Variants in ITPA observed in about 807,000 individuals in gnomAD.
ITPA encodes the protein inosine triphosphatase, also known as inosine triphosphate pyrophosphatase.
ITPA carries 29 observed loss-of-function variants against 29.6 expected under a neutral mutation model. The observed-to-expected ratio is 0.98, with a 90% CI of 0.73 to 1.34. ITPA has a LOEUF of 1.34. Ranked by LOEUF, ITPA falls within the 40% of genes most tolerant of loss-of-function variation. ITPA has a pLI of 0.00. For synonymous variants in ITPA, 103 were observed against 99.3 expected, an observed-to-expected ratio of 1.04 and a Z score of -0.22; for missense variants, 241 against 251.5, an observed-to-expected ratio of 0.96 and a Z score of 0.28.
upstream of ITPA, among the ~76,000 whole-genome samples, chr20:3,205,145 C>T (rs1332526674): frequency 1.3e-5 from 2 of 152,062 alleles, no homozygotes; most frequent in Non-Finnish European, 2.9e-5. Context: ...CCACCGCGCC[C>T]GGACTATATA....
intron 3 of ITPA, 86 bp downstream of exon 3, chr20:3,213,469 C>A: frequency 6.5e-7 from 1 of 1,532,014 alleles, no homozygotes; most frequent in Non-Finnish European, 9.0e-7. Context: ...ATAGAGTAGA[C>A]ACAGTTTGTT....
chr20:3,223,086 C>G (rs1294064498), intron 7 of ITPA, among the ~76,000 whole-genome samples: 2 of 152,248 alleles, frequency 1.3e-5, no homozygotes, highest in East Asian at 3.8e-4. Flanking sequence ...ACATGCAGCT[C>G]ATCCCCCCCT....
rs746302972 is a variant in ITPA at position 3,213,188 on chromosome 20, A to G, written c.86A>G (p.Asp29Gly). 6.2e-7 allele frequency: 1 copy of G among 1,614,090 alleles called. No individual in the cohort carries two copies. The highest frequency in any genetic ancestry group is 1.1e-5 in the South Asian group (1 of 91,080). ...KLEEVVQILGDKFPCTLVAQK... is the reference protein window; with the variant it reads ...KLEEVVQILGGKFPCTLVAQK... The stretch of plus-strand genomic sequence containing the variant: ...GAACAGGTCGTTCAGATTCTAGGAG[A>G]TAAGTTTCCATGCACTTTGGTGGCA... The change falls in exon 2 of 8, where the codon GAT becomes GGT. Residue 29 changes from aspartate (D) to glycine (G), a missense_variant. Transcript: ENST00000380113.
At chr20:3,220,043 CA>C (rs745545920) in intron 6 of ITPA, among the ~76,000 whole-genome samples, 5,853 of 58,138 alleles carry the variant, frequency 0.1, 286 homozygotes, top group African/African-American at 0.29. Context: ...GACCCAGTCT[CA>C]AAAAAAAAAA....
At chr20:3,224,515 C>T (rs73891130), downstream of ITPA, among the ~76,000 whole-genome samples, 7,882 of 152,322 alleles carry the variant, frequency 0.052, 514 homozygotes, top group African/African-American at 0.15. Context: ...TCCAGCAGGA[C>T]GGCCCTGGGT....
chr20:3,226,216 G>A (rs530338674), downstream of ITPA, among the ~76,000 whole-genome samples: 20 of 152,264 alleles, frequency 1.3e-4, no homozygotes, highest in African/African-American at 3.9e-4. This position sits in a 1 kb window ranked among gnomAD's most constrained non-coding sequence, Gnocchi z 4.4. Flanking sequence ...CCCTCAACTT[G>A]GGGTTTCTGA....
At chr20:3,223,202 C>T (rs944210770) in intron 7 of ITPA, among the ~76,000 whole-genome samples, 164 bp from the exon 8 acceptor site, 1 of 152,190 alleles carries the variant, frequency 6.6e-6, no homozygotes, top group Admixed American at 6.5e-5. Flanking sequence ...AAAACTTTAT[C>T]CGATTTTTAA....
upstream of ITPA, among the ~76,000 whole-genome samples, chr20:3,206,828 C>CA (rs1338065685): frequency 9.8e-3 from 818 of 83,688 alleles, 2 homozygotes; most frequent in African/African-American, 0.02. Flanking sequence ...GAGACTGTCT[C>CA]AAAAAAAAAA....
At chr20:3,219,745 C>CA (rs1491514097) in intron 6 of ITPA, among the ~76,000 whole-genome samples, 1,364 of 96,904 alleles carry the variant, frequency 0.014, 9 homozygotes, top group Middle Eastern at 0.045. Flanking sequence ...GACTCCGTCT[C>CA]CAAAAAAAAA....
At position 3,209,573 on chromosome 20, in the gene ITPA, A is replaced by G. The variant is rs1600488513; in HGVS notation, c.22A>G (p.Lys8Glu). Residue 8 changes from lysine to glutamate, a missense_variant, in exon 1 of 8, where the codon AAG becomes GAG. Lys to Glu is a moderately conservative substitution (Grantham distance 56). Coordinates refer to ENST00000380113, the MANE Select transcript of ITPA (RefSeq NM_033453.4). The surrounding 1 kb of genome is among the most constrained non-coding windows in gnomAD (Gnocchi z 4.6). MAASLVGKKIVFVTGNAK... is the reference protein window; with the variant it reads MAASLVGEKIVFVTGNAK... ...CACCATGGCGGCCTCATTGGTGGGGAAGAAGATCGTGTTTGTAACGGGGAA... is the reference window on the plus strand; with the variant it reads ...CACCATGGCGGCCTCATTGGTGGGGGAGAAGATCGTGTTTGTAACGGGGAA... 6.2e-7 allele frequency: 1 copy of G among 1,613,972 alleles called. No homozygotes were observed. Among genetic ancestry groups the G allele is most frequent in the Non-Finnish European group, 8.5e-7 (1 of 1,180,002 alleles).
intron 6 of ITPA, chr20:3,219,195 T>C (rs1036189492): frequency 8.7e-6 from 1 of 115,070 alleles, no homozygotes; most frequent in African/African-American, 3.6e-5. Flanking sequence ...GAATCTTAAT[T>C]CTTTTTTTTT....
chr20:3,209,380 T>G (rs2122270799), upstream of ITPA: 1 of 710,704 alleles, frequency 1.4e-6, no homozygotes, highest in East Asian at 2.7e-5. This position sits in a 1 kb window ranked among gnomAD's most constrained non-coding sequence, Gnocchi z 4.6. Context: ...CGCTGTGGGC[T>G]AGGCCGCCAC....
At chr20:3,219,357 C>G (rs1254522563) in intron 6 of ITPA, among the ~76,000 whole-genome samples, 3 of 151,774 alleles carry the variant, frequency 2.0e-5, no homozygotes, top group African/African-American at 4.8e-5. Flanking sequence ...ACCTGTAATC[C>G]TAGCACTTTG....
At chr20:3,225,422 G>A (rs6051655), downstream of ITPA, among the ~76,000 whole-genome samples, 42,739 of 152,030 alleles carry the variant, frequency 0.28, 7,419 homozygotes, top group African/African-American at 0.49. Context: ...TGAAGGTTCA[G>A]TTGATAACCA....
chr20:3,223,417 G>C lies in ITPA; in HGVS notation c.540G>C (p.Arg180=). 1 of 1,613,880 alleles carries C rather than the reference G, an allele frequency of 6.2e-7. No individual in the cohort carries two copies. Among genetic ancestry groups the C allele is most frequent in the Non-Finnish European group, 8.5e-7 (1 of 1,179,984 alleles). Residue 180 remains arginine (R), a synonymous_variant, in exon 8 of 8, where the codon CGG becomes CGC. Coordinates refer to ENST00000380113, the MANE Select transcript of ITPA (RefSeq NM_033453.4). ...AGAACGCTGTCTCCCATCGCTTCCG[G>C]GCCCTGCTGGAGCTGCAGGAGTACT... The part of the protein sequence containing the change: ...AEKNAVSHRF[R]ALLELQEYFG...
At chr20:3,214,109 G>GA (rs765692014) in intron 4 of ITPA, 51 bp downstream of exon 4, 2 of 1,518,044 alleles carry the variant, frequency 1.3e-6, no homozygotes, top group Non-Finnish European at 1.8e-6. Flanking sequence ...AAAACCACCA[G>GA]AACTGCAAAA....
At position 3,209,541 on chromosome 20, in the gene ITPA, C is replaced by T. The variant is rs1181775590; in HGVS notation, c.-11C>T. 3.1e-6 allele frequency: 5 copies of T among 1,613,638 alleles called. No individual in the cohort carries two copies. The highest frequency in any genetic ancestry group is 2.2e-5 in the East Asian group (1 of 44,878). ...GTTTTCGGTGGCTCAGCTGGGTAAC[C>T]GGGGATCACCATGGCGGCCTCATTG... is the stretch of plus-strand genomic sequence containing the variant. On this transcript the variant is annotated 5_prime_UTR_variant, in exon 1 of 8. Transcript: ENST00000380113. This position sits in a 1 kb window ranked among gnomAD's most constrained non-coding sequence, Gnocchi z 4.6.
At chr20:3,225,144 A>T (rs988763040), downstream of ITPA, among the ~76,000 whole-genome samples, 2 of 152,176 alleles carry the variant, frequency 1.3e-5, no homozygotes, top group African/African-American at 4.8e-5. Flanking sequence ...TGGAGGCTGC[A>T]GTGAGCCGTG....
downstream of ITPA, among the ~76,000 whole-genome samples, chr20:3,224,653 C>T (rs2067538412): frequency 6.6e-6 from 1 of 152,220 alleles, no homozygotes; most frequent in Non-Finnish European, 1.5e-5. Context: ...TCTGGCTGGG[C>T]CTCAGACATG....
Sources: allele counts gnomAD v4.1 joint callset (sites outside exome capture counted in the v4.1 genomes callset), GRCh38; gene constraint gnomAD v4.1.1; non-coding constraint Gnocchi (gnomAD v3.1); transcripts MANE v1.5; gene names NCBI Gene and HGNC (gene_info 2026-07-23, HGNC 2026-07-21).